RYR3: variants seen among roughly 807,000 people sequenced by gnomAD.
RYR3 encodes the protein brain ryanodine receptor-calcium release channel.
RYR3 carries 207 observed loss-of-function variants against 584.3 expected under a neutral mutation model. That is an observed-to-expected ratio of 0.35 (90% CI 0.32 to 0.40). The LOEUF is 0.40. Among genes scored for constraint, RYR3 ranks in the 10% least tolerant of loss-of-function variants. RYR3 has a pLI of 1.00. For synonymous variants in RYR3, 2,416 were observed against 2,248.5 expected (o/e 1.07, Z -2.11); for missense variants, 5,616 against 6,089.2 (o/e 0.92, Z 2.59).
chr15:33,837,833 A>G lies in RYR3; in HGVS notation c.11853A>G (p.Gln3951=), dbSNP rs541616608. 1.2e-5 allele frequency: 19 copies of G among 1,613,946 alleles called. No individual in the cohort carries two copies. Among genetic ancestry groups the G allele is most frequent in the Non-Finnish European group, 1.5e-5 (18 of 1,179,910 alleles). ...AATTCCAGAAGGCCATGGAAGGGCA[A>G]AAACAGTACACGCAGTCAGAGATTG... The part of the protein sequence containing the change: ...KKEFQKAMEG[Q]KQYTQSEIDF... The change falls in exon 89 of 104, where the codon CAA becomes CAG. Residue 3951 remains glutamine, a synonymous_variant. Coordinates refer to ENST00000634891, the MANE Select transcript of RYR3 (RefSeq NM_001036.6).
chr15:33,564,977 A>C (rs2057623857), intron 11 of RYR3, among the ~76,000 whole-genome samples: 2 of 152,332 alleles, frequency 1.3e-5, no homozygotes, highest in South Asian at 4.1e-4. Context: ...AACAGTAATC[A>C]AGAAAAACCA....
intron 17 of RYR3, 76 bp from the exon 18 acceptor site, chr15:33,603,047 C>T: frequency 1.3e-6 from 2 of 1,520,098 alleles, no homozygotes; most frequent in Non-Finnish European, 1.8e-6. Flanking sequence ...GGGCCGTTGC[C>T]TCCTATGGTC....
intron 94 of RYR3, chr15:33,850,824 C>T (rs1487778202): frequency 6.6e-6 from 1 of 152,168 alleles, no homozygotes; most frequent in Admixed American, 6.5e-5. Context: ...CAACCCACAG[C>T]TATCTACATT....
At chr15:33,598,979 C>T (rs866965360) in intron 16 of RYR3, among the ~76,000 whole-genome samples, 12 of 152,020 alleles carry the variant, frequency 7.9e-5, no homozygotes, top group African/African-American at 2.9e-4. Context: ...GGCGGGAACC[C>T]AGGAGACAGA....
Position 33,755,134 on chromosome 15 carries a change from G to A in RYR3, c.8469G>A (p.Lys2823=), listed in dbSNP as rs760431116. 39 of 1,613,052 alleles carry A rather than the reference G, an allele frequency of 2.4e-5. No individual in the cohort carries two copies. Among genetic ancestry groups the A allele is most frequent in the Non-Finnish European group, 3.3e-5 (39 of 1,179,516 alleles). Residue 2823 remains lysine, a synonymous_variant, in exon 58 of 104, where the codon AAG becomes AAA. Transcript: ENST00000634891. ...GGTTTGCCTATAAGTTCTTGAAGAA[G>A]ATCCTGAAATACGTTGATTCTGCTC... ...EKRFAYKFLK[K]ILKYVDSAQE...
At chr15:33,454,058 C>T (rs555507787) in intron 1 of RYR3, among the ~76,000 whole-genome samples, 31 of 152,302 alleles carry the variant, frequency 2.0e-4, no homozygotes, top group African/African-American at 6.3e-4. Flanking sequence ...AAGAATTCTG[C>T]GTGAGGCTGG....
At chr15:33,756,808 A>T (rs1231386108) in intron 59 of RYR3, among the ~76,000 whole-genome samples, 2 of 152,080 alleles carry the variant, frequency 1.3e-5, no homozygotes, top group African/African-American at 4.8e-5. Flanking sequence ...TGACAGGTTT[A>T]CCCTTATGGT....
chr15:33,794,380 T>G (rs1484600150), intron 67 of RYR3, among the ~76,000 whole-genome samples: 1 of 147,240 alleles, frequency 6.8e-6, no homozygotes, highest in Admixed American at 6.9e-5. Context: ...TTTCTTTCCT[T>G]ACCTATCTAT....
chr15:33,678,942 A>G (rs922626615), intron 38 of RYR3, among the ~76,000 whole-genome samples: 3 of 152,228 alleles, frequency 2.0e-5, no homozygotes, highest in African/African-American at 7.2e-5. Context: ...AATGGTACCT[A>G]CTGCACAACC....
intron 86 of RYR3, among the ~76,000 whole-genome samples, chr15:33,833,702 A>G (rs1427346707): frequency 6.6e-6 from 1 of 152,212 alleles, no homozygotes; most frequent in Non-Finnish European, 1.5e-5. Context: ...TCTTTCAGAA[A>G]CCAGCTTTGT....
At chr15:33,532,553 G>A (rs1041312631) in intron 4 of RYR3, among the ~76,000 whole-genome samples, 1 of 152,026 alleles carries the variant, frequency 6.6e-6, no homozygotes, top group African/African-American at 2.4e-5. Flanking sequence ...TTAGCTTCAT[G>A]TATTGTAAAT....
chr15:33,589,206 G>T (rs566766437), intron 16 of RYR3, among the ~76,000 whole-genome samples: 1 of 152,318 alleles, frequency 6.6e-6, no homozygotes, highest in East Asian at 1.9e-4. Flanking sequence ...CTTCGCTGAT[G>T]ATTAGTGACG....
intron 18 of RYR3, among the ~76,000 whole-genome samples, chr15:33,608,574 T>G (rs2060019784): frequency 6.6e-6 from 1 of 152,246 alleles, no homozygotes; most frequent in African/African-American, 2.4e-5. Flanking sequence ...TGGGCTCTCT[T>G]ATCCAAATAG....
chr15:33,586,068 C>T lies in RYR3; in HGVS notation c.1740C>T (p.His580=). The T allele has an allele frequency of 6.2e-7, 1 of 1,613,586 alleles. No homozygotes were observed. Among genetic ancestry groups the T allele is most frequent in the Non-Finnish European group, 8.5e-7 (1 of 1,179,556 alleles). The stretch of plus-strand genomic sequence containing the variant: ...CCTTAAATCTGATAGCGGAGGGCCA[C>T]ATCAAGTCGATCATCTCCCTGTTGG... ...PEALNLIAEG[H]IKSIISLLDK... The change falls in exon 16 of 104, where the codon CAC becomes CAT. Residue 580 remains histidine (H), a synonymous_variant. Coordinates refer to ENST00000634891, the MANE Select transcript of RYR3 (RefSeq NM_001036.6).
In RYR3 at chr15:33,517,427, G is replaced by A. The variant is rs116938989; in HGVS notation, c.280-13165G>A. On this transcript the variant is annotated intron_variant, in intron 3 of 103. Transcript: ENST00000634891. The stretch of plus-strand genomic sequence containing the variant: ...CACTACATTGGAAACTCGCTGTAAT[G>A]TAACCTAAATGTACATTACAATGAC... Among the ~76,000 whole-genome samples the A allele has an allele frequency of 2.7e-3, 415 of 152,346 alleles. 2 individuals are homozygous for A. The highest frequency in any genetic ancestry group is 6.8e-3 in the Middle Eastern group (2 of 294).
intron 18 of RYR3, among the ~76,000 whole-genome samples, chr15:33,610,241 T>C (rs2060113776): frequency 6.6e-6 from 1 of 152,228 alleles, no homozygotes; most frequent in Admixed American, 6.5e-5. Context: ...ACACTCCTCT[T>C]GCTCTTTCCT....
At chr15:33,337,934 A>ATT (rs199625940) in intron 1 of RYR3, among the ~76,000 whole-genome samples, 2,107 of 113,318 alleles carry the variant, frequency 0.019, 237 homozygotes, top group African/African-American at 0.06. Context: ...ATTTTAGGAG[A>ATT]TTTTTTTTTT....
intron 27 of RYR3, among the ~76,000 whole-genome samples, chr15:33,642,419 C>A (rs1595939048): frequency 6.6e-6 from 1 of 152,196 alleles, no homozygotes; most frequent in East Asian, 1.9e-4. Context: ...GTCTAGTTAC[C>A]TCCCTTAGTA....
chr15:33,865,789 T>G lies in RYR3; in HGVS notation c.*563T>G, dbSNP rs561388498. On this transcript the variant is annotated 3_prime_UTR_variant, in exon 104 of 104. Coordinates refer to ENST00000634891, the MANE Select transcript of RYR3 (RefSeq NM_001036.6). ...TCGATTAAGTGCCTTAAAACCTCTTTAGACATAGCTATGCAAGTTTTTTAT... is the reference window on the plus strand; with the variant it reads ...TCGATTAAGTGCCTTAAAACCTCTTGAGACATAGCTATGCAAGTTTTTTAT... 6.5e-6 allele frequency: 1 copy of G among 153,024 alleles called. No individual in the cohort carries two copies. The highest frequency in any genetic ancestry group is 2.4e-5 in the African/African-American group (1 of 41,464). The allele number at this position is 153,024 out of a possible 1,614,324, so 9.5% of individuals were successfully genotyped here. A position where few individuals can be genotyped will look rare whatever the true frequency, so the allele number is the denominator to read the frequency against.
Sources: allele counts gnomAD v4.1 joint callset (sites outside exome capture counted in the v4.1 genomes callset), GRCh38; gene constraint gnomAD v4.1.1; transcripts MANE v1.5; gene names NCBI Gene and HGNC (gene_info 2026-07-23, HGNC 2026-07-21).